The following HDX variants were observed in gnomAD, a reference collection of about 807,000 sequenced individuals.
The protein encoded by HDX is highly divergent homeobox.
HDX carries 19 observed loss-of-function variants against 45.2 expected under a neutral mutation model. That is an observed-to-expected ratio of 0.42 (90% CI 0.29 to 0.62). The LOEUF (loss-of-function observed/expected upper bound fraction) is 0.62. HDX is among the 20% of genes least tolerant of loss of function. The probability of loss-of-function intolerance (pLI) is 0.20; values close to 1 mark genes in which losing one functional copy is unlikely to be tolerated. For synonymous variants in HDX, 188 were observed against 172.8 expected (o/e 1.09, Z -0.69); for missense variants, 532 against 493.9 (o/e 1.08, Z -0.73).
At chrX:84,333,932 G>A (rs979406148) in intron 8 of HDX, 90 bp from the exon 9 acceptor site, 2 of 406,293 alleles carry the variant, frequency 4.9e-6, no homozygotes, top group African/African-American at 2.6e-5. Context: ...CAATGTTTAG[G>A]TTATCTAGTC....
chrX:84,324,003 A>G (rs1386117669), intron 10 of HDX, among the ~76,000 whole-genome samples: 1 of 112,510 alleles, frequency 8.9e-6, no homozygotes, highest in Non-Finnish European at 1.9e-5. Context: ...AAGAAACGCA[A>G]TTGATCTGGC....
intron 6 of HDX, among the ~76,000 whole-genome samples, chrX:84,347,090 G>A (rs2147807520): frequency 1.1e-5 from 1 of 91,539 alleles, no homozygotes; most frequent in South Asian, 5.3e-4. Context: ...TAATTTTGGG[G>A]AAGCTAAAGT....
chrX:84,414,750 A>G (rs983805882), intron 5 of HDX, among the ~76,000 whole-genome samples: 20 of 111,605 alleles, frequency 1.8e-4, no homozygotes, highest in African/African-American at 6.5e-4. Flanking sequence ...ATATCATTCT[A>G]CTCAAGTCAT....
At chrX:84,438,230 C>G (rs962483936) in intron 5 of HDX, among the ~76,000 whole-genome samples, 4 of 110,841 alleles carry the variant, frequency 3.6e-5, no homozygotes, top group African/African-American at 1.3e-4. Context: ...CAGAATTCTC[C>G]TTTGGTGGCC....
At chrX:84,339,058 C>T (rs1265758566) in intron 7 of HDX, among the ~76,000 whole-genome samples, 1 of 111,559 alleles carries the variant, frequency 9.0e-6, no homozygotes, top group East Asian at 2.8e-4. Flanking sequence ...TACCCAGTCT[C>T]AGGTATTTCC....
At chrX:84,472,029 T>A (rs1015086383) in intron 3 of HDX, among the ~76,000 whole-genome samples, 44 of 109,884 alleles carry the variant, frequency 4.0e-4, no homozygotes, top group African/African-American at 1.4e-3. Context: ...TTAAAAAAAA[T>A]TAATGGGAAA....
chrX:84,355,574 C>T (rs1339229565), intron 6 of HDX, among the ~76,000 whole-genome samples: 1 of 110,412 alleles, frequency 9.1e-6, no homozygotes, highest in Non-Finnish European at 1.9e-5. Flanking sequence ...ATGGATGAAG[C>T]TGGAAACCAT....
chrX:84,323,180 T>G (rs752566026), intron 10 of HDX, among the ~76,000 whole-genome samples: 1 of 111,289 alleles, frequency 9.0e-6, no homozygotes, highest in Admixed American at 9.6e-5. Context: ...CTAGCTGTTA[T>G]TATTTATTTT....
intron 5 of HDX, among the ~76,000 whole-genome samples, chrX:84,411,003 G>A (rs1335980257): frequency 8.9e-6 from 1 of 111,756 alleles, no homozygotes; most frequent in Non-Finnish European, 1.9e-5. Context: ...TGTGAAGTCA[G>A]TGGTAATGTC....
chrX:84,448,872 A>T (rs906837350), intron 4 of HDX, among the ~76,000 whole-genome samples: 1 of 110,558 alleles, frequency 9.0e-6, no homozygotes, highest in African/African-American at 3.3e-5. Context: ...ATACAAGATA[A>T]TTCAGAAAAA....
intron 2 of HDX, among the ~76,000 whole-genome samples, chrX:84,486,267 ATCTAGGTACCTTTTCCC>A (rs1190047302): frequency 9.0e-6 from 1 of 111,417 alleles, no homozygotes. Flanking sequence ...AATGACAACT[ATCTAGGTACCTTTTCCC>A]TCCCCTCTTT....
At chrX:84,393,167 T>C (rs773883369) in intron 5 of HDX, among the ~76,000 whole-genome samples, 16 of 111,808 alleles carry the variant, frequency 1.4e-4, no homozygotes, top group Non-Finnish European at 2.5e-4. Flanking sequence ...GTCATATATG[T>C]CCTTTATTAT....
Position 84,468,895 on chromosome X carries a change from T to A in HDX, c.828A>T (p.Arg276Ser), listed in dbSNP as rs779659798. 2 of 1,210,120 alleles carry A rather than the reference T, an allele frequency of 1.7e-6. No individual in the cohort carries two copies. The highest frequency in any genetic ancestry group is 1.1e-6 in the Non-Finnish European group (1 of 894,135). ...TCTGTGGGGCATTTCCTCCCAGAAT[T>A]CTCTGGGGGTAATCGCTAACTGCCA... ...FSLAVSDYPQ[R>S]ILGGNAPQKP... The change falls in exon 4 of 11, where the codon AGA (arginine) becomes AGT (serine). Residue 276 changes from arginine to serine, a missense_variant. Arg to Ser is a moderately radical substitution (Grantham distance 110). Around this residue, in one of 3 missense-constraint regions of HDX, gnomAD observed 376 missense variants for 343.7 expected, o/e 1.09. Coordinates refer to ENST00000373177, the MANE Select transcript of HDX (RefSeq NM_001177479.2).
intron 5 of HDX, among the ~76,000 whole-genome samples, chrX:84,431,560 A>G (rs1161582724): frequency 9.0e-6 from 1 of 111,188 alleles, no homozygotes; most frequent in East Asian, 2.8e-4. Flanking sequence ...AGTGTGAGAT[A>G]TCTTGTTGTG....
intron 5 of HDX, among the ~76,000 whole-genome samples, chrX:84,436,391 A>AT (rs1241216751): frequency 3.6e-5 from 4 of 109,930 alleles, no homozygotes; most frequent in East Asian, 2.9e-4. Context: ...TTAAAGTATA[A>AT]TAAAAAAAAA....
intron 5 of HDX, among the ~76,000 whole-genome samples, chrX:84,366,263 A>T (rs1049240656): frequency 1.8e-5 from 2 of 111,647 alleles, no homozygotes; most frequent in African/African-American, 3.3e-5. Flanking sequence ...ATACATAGGA[A>T]TACAACTTAC....
chrX:84,381,129 G>T (rs779749714), intron 5 of HDX, among the ~76,000 whole-genome samples: 1 of 110,388 alleles, frequency 9.1e-6, no homozygotes, highest in South Asian at 3.8e-4. Context: ...CAATAAATAC[G>T]TAGGAATTAA....
intron 2 of HDX, among the ~76,000 whole-genome samples, chrX:84,484,498 G>A (rs2040749403): frequency 1.1e-5 from 1 of 90,790 alleles, no homozygotes; most frequent in South Asian, 6.2e-4. Flanking sequence ...TAGCATGAGG[G>A]ATACCACCCC....
At chrX:84,349,065 C>T (rs1230516630) in intron 6 of HDX, among the ~76,000 whole-genome samples, 1 of 110,976 alleles carries the variant, frequency 9.0e-6, no homozygotes, top group Admixed American at 9.6e-5. Context: ...AACTTTCAGA[C>T]TTGTCTACAC....
Sources: gnomAD v4.1 joint callset for allele counts (sites outside exome capture counted in the v4.1 genomes callset) on GRCh38, gnomAD v4.1.1 for gene constraint, gnomAD v4.1.1 regional missense constraint, MANE v1.5 for transcripts, NCBI Gene and HGNC (gene_info 2026-07-23, HGNC 2026-07-21) for gene names.